The following ADGRE2 variants were observed in gnomAD, a reference collection of about 807,000 sequenced individuals.
ADGRE2 encodes the protein CD97 antigen.
In ADGRE2, 83 loss-of-function variants were observed where a neutral mutation model predicts 100.8. That is an observed-to-expected ratio of 0.82 (90% CI 0.69 to 0.99). The LOEUF is 0.99. Among genes scored for constraint, ADGRE2 ranks in the 50% least tolerant of loss-of-function variants. The pLI is 0.00. For synonymous variants in ADGRE2, 355 were observed against 413.0 expected, an observed-to-expected ratio of 0.86 and a Z score of 1.70; for missense variants, 814 against 1,035.7, an observed-to-expected ratio of 0.79 and a Z score of 2.94.
intron 14 of ADGRE2, 70 bp downstream of exon 14, chr19:14,754,884 G>C: frequency 6.5e-7 from 1 of 1,544,302 alleles, no homozygotes; most frequent in South Asian, 1.2e-5. Context: ...TTTTTTAAAA[G>C]GCTGCTACGT....
chr19:14,765,223 T>C (rs1202349939), intron 10 of ADGRE2, 97 bp downstream of exon 10: 5 of 1,272,816 alleles, frequency 3.9e-6, no homozygotes, highest in East Asian at 2.3e-5. Flanking sequence ...ACCCACTGCA[T>C]TGGGTCCTGT....
rs368117123 is a variant in ADGRE2 at position 14,764,814 on chromosome 19, C to G, written c.907-204G>C. ...AGGGTGGGTCACAAGGTCAGGAGAT[C>G]GAGACCATCCTGGCCAACATGGTGA... On this transcript the variant is annotated intron_variant, in intron 10 of 20. Coordinates refer to ENST00000315576, the MANE Select transcript of ADGRE2 (RefSeq NM_013447.4). Among the ~76,000 whole-genome samples, 42 of 152,240 alleles carry G rather than the reference C, an allele frequency of 2.8e-4. No homozygotes were observed. In the East Asian group the frequency reaches 4.3e-3, roughly 15 times the overall value.
At chr19:14,757,435 G>A (rs1343847686) in intron 11 of ADGRE2, among the ~76,000 whole-genome samples, 1 of 151,892 alleles carries the variant, frequency 6.6e-6, no homozygotes, top group Non-Finnish European at 1.5e-5. Flanking sequence ...TCTTGAAGAA[G>A]AACAAGAAGG....
chr19:14,765,541 G>A lies in ADGRE2; in HGVS notation c.811C>T (p.Pro271Ser), dbSNP rs202234343. The change falls in exon 9 of 21, where the codon CCT becomes TCT. Residue 271 changes from proline to serine, a missense_variant. Transcript: ENST00000315576. ...CCACTCACCTGGCTGTGGACTCCAG[G>A]GGGCGGGGTCCAGGTGGAGAAAGTC... ...DMTFSTWTPP[P>S]GVHSQTLSRF... The A allele has an allele frequency of 6.2e-6, 10 of 1,614,222 alleles. No homozygotes were observed. The highest frequency in any genetic ancestry group is 7.6e-6 in the Non-Finnish European group (9 of 1,180,018).
rs377454798 is a variant in ADGRE2, at chr19:14,746,907, C to T, written c.2080G>A (p.Ala694Thr). The change falls in exon 17 of 21, where the codon GCC (alanine) becomes ACC (threonine). Residue 694 changes from alanine (A) to threonine (T), a missense_variant. Ala to Thr is a moderately conservative substitution (Grantham distance 58). Transcript: ENST00000315576. ...FIWGFLGPVC[A>T]IFSVNLVLFL... ...ATGATGTCACTCACAGAGAAGATGGCGCAGACAGGTCCAAGGAAGCCCCAT... is the reference window on the plus strand; with the variant it reads ...ATGATGTCACTCACAGAGAAGATGGTGCAGACAGGTCCAAGGAAGCCCCAT... The T allele has an allele frequency of 2.3e-5, 37 of 1,613,452 alleles. No individual in the cohort carries two copies. The highest frequency in any genetic ancestry group is 1.6e-4 in the Middle Eastern group (1 of 6,084).
At chr19:14,768,023 G>T (rs746407010) in intron 5 of ADGRE2, among the ~76,000 whole-genome samples, 23 of 152,320 alleles carry the variant, frequency 1.5e-4, no homozygotes, top group Non-Finnish European at 3.2e-4. Context: ...AAGAAAAGAA[G>T]TTTATTTGGC....
chr19:14,736,954 GA>G (rs1297317748), intron 20 of ADGRE2, among the ~76,000 whole-genome samples: 10 of 139,750 alleles, frequency 7.2e-5, no homozygotes, highest in African/African-American at 2.6e-4. Flanking sequence ...ACTATAGAAA[GA>G]AAACCTATAA....
intron 20 of ADGRE2, among the ~76,000 whole-genome samples, chr19:14,741,247 C>A (rs1031531871): frequency 6.6e-6 from 1 of 151,838 alleles, no homozygotes; most frequent in Non-Finnish European, 1.5e-5. Context: ...TAGGTGTGCA[C>A]CACCATGCCT....
Position 14,746,247 on chromosome 19 carries a change from G to A in ADGRE2, c.2168C>T (p.Thr723Ile). The A allele has an allele frequency of 6.2e-7, 1 of 1,601,220 alleles. No homozygotes were observed. The highest frequency in any genetic ancestry group is 1.1e-5 in the South Asian group (1 of 90,814). The part of the protein sequence containing the change: ...RLSSLNSEVS[T>I]LRNTRMLAFK... ...TCCATCTTACCTTGTGTTCCGGAGG[G>A]TGGACACTTCACTATTGAGGGAGGA... Residue 723 changes from threonine to isoleucine, a missense_variant, in exon 18 of 21, where the codon ACC (threonine) becomes ATC (isoleucine). Around this residue, in one of 5 missense-constraint regions of ADGRE2, gnomAD observed 569 missense variants for 692.7 expected, o/e 0.82. Transcript: ENST00000315576.
chr19:14,758,829 G>A (rs1275299090), intron 11 of ADGRE2, among the ~76,000 whole-genome samples: 1 of 145,154 alleles, frequency 6.9e-6, no homozygotes, highest in Non-Finnish European at 1.5e-5. Context: ...AGCTTGCAGT[G>A]AGCCGAGATC....
At position 14,773,998 on chromosome 19, in the gene ADGRE2, A is replaced by G. The variant is rs2044321417; in HGVS notation, c.139T>C (p.Cys47Arg). The G allele has an allele frequency of 6.2e-7, 1 of 1,614,116 alleles. No homozygotes were observed. Among genetic ancestry groups the G allele is most frequent in the Non-Finnish European group, 8.5e-7 (1 of 1,180,030 alleles). Residue 47 changes from cysteine (C) to arginine (R), a missense_variant, in exon 4 of 21, where the codon TGC becomes CGC. Physicochemically the swap from Cys to Arg is radical, Grantham distance 180. Transcript: ENST00000315576. ...SSCVNATACRCNPGFSSFSEI... is the reference protein window; with the variant it reads ...SSCVNATACRRNPGFSSFSEI... The stretch of plus-strand genomic sequence containing the variant: ...GAAAAAGAGCTGAACCCTGGATTGC[A>G]GCGACAGGCGGTGGCATTGACACAC...
intron 11 of ADGRE2, among the ~76,000 whole-genome samples, chr19:14,759,503 A>ATATATT (rs60789454): frequency 0.21 from 27,874 of 133,120 alleles, 3,547 homozygotes; most frequent in Admixed American, 0.28. Context: ...ATATATATAT[A>ATATATT]TTTTTTTTTT....
chr19:14,769,553 C>T (rs931615920), intron 5 of ADGRE2, among the ~76,000 whole-genome samples: 13 of 152,192 alleles, frequency 8.5e-5, no homozygotes, highest in African/African-American at 1.2e-4. Context: ...GGTCCTGCTC[C>T]GAACTAGCAG....
At chr19:14,757,434 A>G (rs1225573416) in intron 11 of ADGRE2, among the ~76,000 whole-genome samples, 1 of 152,120 alleles carries the variant, frequency 6.6e-6, no homozygotes, top group Non-Finnish European at 1.5e-5. Context: ...ATCTTGAAGA[A>G]GAACAAGAAG....
chr19:14,736,839 CTA>C (rs1228196683), intron 20 of ADGRE2, among the ~76,000 whole-genome samples: 7 of 136,310 alleles, frequency 5.1e-5, no homozygotes, highest in African/African-American at 1.9e-4. Context: ...TATTTAATAT[CTA>C]TATATTTAGA....
chr19:14,736,806 A>AGATATT (rs2147075223), intron 20 of ADGRE2, among the ~76,000 whole-genome samples: 1 of 80,454 alleles, frequency 1.2e-5, no homozygotes, highest in Non-Finnish European at 2.4e-5. Context: ...TTAGAAATAT[A>AGATATT]TAGATATTTA....
rs922094713 is a variant in ADGRE2 at position 14,735,042 on chromosome 19, T to C, written c.*1194A>G. 6.6e-6 allele frequency: 1 copy of C among 152,182 alleles called. No individual in the cohort carries two copies. Among genetic ancestry groups the C allele is most frequent in the African/African-American group, 2.4e-5 (1 of 41,456 alleles). The allele number at this position is 152,182 out of a possible 1,614,324, so 9.4% of individuals were successfully genotyped here. Reference sequence around the variant, plus strand: ...GCCTAGTCTAGGTAGCTTTTTCCTATTGGCACAGCTGCCGGCATTCACCCG... The same window carrying C: ...GCCTAGTCTAGGTAGCTTTTTCCTACTGGCACAGCTGCCGGCATTCACCCG... On this transcript the variant is annotated 3_prime_UTR_variant, in exon 21 of 21. Transcript: ENST00000315576.
At chr19:14,729,921 C>A (rs996262630), downstream of ADGRE2, among the ~76,000 whole-genome samples, 2 of 152,248 alleles carry the variant, frequency 1.3e-5, no homozygotes, top group African/African-American at 4.8e-5. Context: ...CCAGTGGGAT[C>A]CCTGCTAGTT....
chr19:14,730,567 G>A (rs966483934), downstream of ADGRE2, among the ~76,000 whole-genome samples: 7 of 148,750 alleles, frequency 4.7e-5, no homozygotes, highest in African/African-American at 1.7e-4. Context: ...GTAAATTTAA[G>A]AGTTTATTAT....
Sources: gnomAD v4.1 joint callset for allele counts (sites outside exome capture counted in the v4.1 genomes callset) on GRCh38, gnomAD v4.1.1 for gene constraint, gnomAD v4.1.1 regional missense constraint, MANE v1.5 for transcripts, NCBI Gene and HGNC (gene_info 2026-07-23, HGNC 2026-07-21) for gene names.